Variants in ARHGEF10L observed in about 807,000 individuals in gnomAD.
The protein encoded by ARHGEF10L is rho guanine nucleotide exchange factor 10-like protein.
Under a neutral mutation model 141.2 loss-of-function variants are expected in ARHGEF10L, and 69 were observed. The observed-to-expected ratio is 0.49, with a 90% CI of 0.40 to 0.60. The LOEUF (loss-of-function observed/expected upper bound fraction) is 0.60, where lower values mean the gene tolerates loss of function less well. ARHGEF10L is among the 20% of genes least tolerant of loss of function. ARHGEF10L has a pLI of 0.00. For missense variants in ARHGEF10L, 1,482 were observed against 1,734.3 expected (o/e 0.85, Z 2.58); for synonymous variants, 711 against 718.5 (o/e 0.99, Z 0.17).
chr1:17,638,742 T>G (rs2061161468), intron 20 of ARHGEF10L, 53 bp downstream of exon 20: 4 of 1,608,392 alleles, frequency 2.5e-6, no homozygotes, highest in Non-Finnish European at 3.4e-6. Context: ...GGGCTTCCAG[T>G]GGAGCAGGGG....
chr1:17,617,781 T>G (rs1266531042), intron 9 of ARHGEF10L, among the ~76,000 whole-genome samples: 1 of 152,100 alleles, frequency 6.6e-6, no homozygotes, highest in Non-Finnish European at 1.5e-5. Flanking sequence ...GTGGTGAGGA[T>G]GTCCTAGGTA....
intron 15 of ARHGEF10L, among the ~76,000 whole-genome samples, chr1:17,631,425 G>C (rs576920007): frequency 1.3e-5 from 2 of 152,328 alleles, no homozygotes; most frequent in Non-Finnish European, 1.5e-5. Flanking sequence ...GTCCTCAGAG[G>C]GTGGTGTTAT....
intron 3 of ARHGEF10L, 140 bp from the exon 4 acceptor site, chr1:17,588,306 G>A: frequency 1.2e-6 from 1 of 825,722 alleles, no homozygotes; most frequent in Non-Finnish European, 2.0e-6. Context: ...GGGGGAGGGA[G>A]GCGGGGCTCA....
chr1:17,666,092 C>A (rs950359419), intron 26 of ARHGEF10L, among the ~76,000 whole-genome samples: 2 of 152,184 alleles, frequency 1.3e-5, no homozygotes, highest in African/African-American at 2.4e-5. Context: ...TTGGGTGAGG[C>A]CCACCCACAC....
chr1:17,540,403 C>T lies in ARHGEF10L; in HGVS notation c.-44+453C>T, dbSNP rs143713151. Among the ~76,000 whole-genome samples the T allele has an allele frequency of 4.0e-3, 608 of 152,202 alleles. 5 individuals are homozygous for T. Among genetic ancestry groups the T allele is most frequent in the African/African-American group, 0.014 (578 of 41,546 alleles). ...AGTCAGCCTCTCCCACCCTGGACCC[C>T]CGCCCAGAGGCGGAACGGGACGGCC... On this transcript the variant is annotated intron_variant, in intron 1 of 28. Transcript: ENST00000361221.
intron 1 of ARHGEF10L, among the ~76,000 whole-genome samples, chr1:17,565,807 G>C (rs2077730281): frequency 6.6e-6 from 1 of 152,118 alleles, no homozygotes; most frequent in African/African-American, 2.4e-5. Flanking sequence ...ACATGGAGAG[G>C]CAAAAGATGC....
intron 1 of ARHGEF10L, among the ~76,000 whole-genome samples, chr1:17,570,138 C>A (rs1291309877): frequency 6.6e-6 from 1 of 152,228 alleles, no homozygotes. Context: ...GGCAACTGTG[C>A]CTTGGGTCGC....
chr1:17,645,844 C>T (rs372767879), intron 21 of ARHGEF10L, among the ~76,000 whole-genome samples: 3 of 152,318 alleles, frequency 2.0e-5, no homozygotes, highest in African/African-American at 7.2e-5. Context: ...ACGTATCTCC[C>T]GTGATGGCTG....
intron 1 of ARHGEF10L, among the ~76,000 whole-genome samples, chr1:17,545,849 G>A (rs549348575): frequency 6.6e-6 from 1 of 152,230 alleles, no homozygotes; most frequent in East Asian, 1.9e-4. Flanking sequence ...GTAGGGAGAG[G>A]GGAACAATTC....
Position 17,564,529 on chromosome 1 carries a change from G to A in ARHGEF10L, c.-43-16024G>A, listed in dbSNP as rs2077672031. Among the ~76,000 whole-genome samples, 5 of 152,326 alleles carry A rather than the reference G, an allele frequency of 3.3e-5. No homozygotes were observed. The South Asian group carries it at 1.0e-3, about 32-fold the overall frequency. On this transcript the variant is annotated intron_variant, in intron 1 of 28. Coordinates refer to ENST00000361221, the MANE Select transcript of ARHGEF10L (RefSeq NM_018125.4). ...CAGCAGCACAGGAGCCCAGCTGACTGGTGGCTGGCTCGTGGCTGAGGTTTT... is the reference window on the plus strand; with the variant it reads ...CAGCAGCACAGGAGCCCAGCTGACTAGTGGCTGGCTCGTGGCTGAGGTTTT...
chr1:17,587,469 T>C lies in ARHGEF10L; in HGVS notation c.47T>C (p.Leu16Pro), dbSNP rs116209107. ...PPPQPAIGDQ[L>P]VPGVPGPSSE... is the part of the protein sequence containing the mutation. ...TCCTTCTCTCTTCCAGGAGATCAGC[T>C]GGTTCCAGGAGTCCCAGGCCCCTCC... The change falls in exon 3 of 29, where the codon CTG becomes CCG. Residue 16 changes from leucine (L) to proline (P), a missense_variant. Physicochemically the swap from Leu to Pro is moderately conservative, Grantham distance 98 (BLOSUM62 -3). Transcript: ENST00000361221. 4.5e-4 allele frequency: 728 copies of C among 1,612,648 alleles called. 6 individuals are homozygous for C. In the East Asian group the frequency reaches 0.011, roughly 25 times the overall value.
At chr1:17,601,267 G>A (rs576563707) in intron 4 of ARHGEF10L, among the ~76,000 whole-genome samples, 26 of 152,168 alleles carry the variant, frequency 1.7e-4, no homozygotes, top group South Asian at 4.1e-4. Flanking sequence ...CCTGCGTGGC[G>A]TCTCTACAGA....
chr1:17,601,090 A>T (rs916892291), intron 4 of ARHGEF10L, among the ~76,000 whole-genome samples: 7 of 152,180 alleles, frequency 4.6e-5, no homozygotes, highest in African/African-American at 1.4e-4. Flanking sequence ...AAACTCTAAA[A>T]AAACAAAAAG....
At chr1:17,579,896 C>T (rs1025998524) in intron 1 of ARHGEF10L, among the ~76,000 whole-genome samples, 16 of 152,346 alleles carry the variant, frequency 1.1e-4, no homozygotes, top group African/African-American at 2.9e-4. Flanking sequence ...GAGGGGAGGG[C>T]GGTGCCACCT....
the ARHGEF10L span, among the ~76,000 whole-genome samples, chr1:17,517,314 G>A: frequency 1.1e-4 from 16 of 152,258 alleles, no homozygotes; most frequent in Non-Finnish European, 2.2e-4. Flanking sequence ...AATTATGTAT[G>A]GAGAGGTGTT....
Position 17,616,184 on chromosome 1 carries a change from C to T in ARHGEF10L, c.817C>T (p.His273Tyr), listed in dbSNP as rs1414327313. The change falls in exon 9 of 29, where the codon CAC (histidine) becomes TAC (tyrosine). Residue 273 changes from histidine to tyrosine, a missense_variant. By Grantham distance (83) the His-to-Tyr change is moderately conservative. This residue lies in a region of ARHGEF10L where 392 missense variants were observed against 542.1 expected (regional missense o/e 0.72). Transcript: ENST00000361221. ...CGTGATGCGCAAAGTCTCCTTCCTG[C>T]ACAGGAAGGACGTCCTCGGTGAGGC... The part of the protein sequence containing the change: ...MAVMRKVSFL[H>Y]RKDVLGDSEE... 6.2e-7 allele frequency: 1 copy of T among 1,612,140 alleles called. No homozygotes were observed. The highest frequency in any genetic ancestry group is 1.1e-5 in the South Asian group (1 of 91,052).
At chr1:17,679,331 C>G (rs146139862) in intron 26 of ARHGEF10L, among the ~76,000 whole-genome samples, 1 of 152,310 alleles carries the variant, frequency 6.6e-6, no homozygotes, top group African/African-American at 2.4e-5. Flanking sequence ...ACTCTGAGGG[C>G]AGGAGTGTTG....
At chr1:17,633,503 C>T (rs759951268) in intron 16 of ARHGEF10L, among the ~76,000 whole-genome samples, 3 of 152,028 alleles carry the variant, frequency 2.0e-5, no homozygotes, top group Non-Finnish European at 2.9e-5. Context: ...GCCACCACAC[C>T]TAGCTAATTT....
At chr1:17,640,378 A>C in intron 21 of ARHGEF10L, 76 bp downstream of exon 21, 1 of 1,317,608 alleles carries the variant, frequency 7.6e-7, no homozygotes, top group Non-Finnish European at 1.1e-6. Flanking sequence ...GTGAGGGTAC[A>C]GGATGGGTGT....
Sources: allele counts gnomAD v4.1 joint callset (sites outside exome capture counted in the v4.1 genomes callset), GRCh38; gene constraint gnomAD v4.1.1; regional missense constraint gnomAD v4.1.1; transcripts MANE v1.5; gene names NCBI Gene and HGNC (gene_info 2026-07-23, HGNC 2026-07-21).